FLVCR2: variants seen among roughly 807,000 people sequenced by gnomAD.
FLVCR2 encodes the protein FLVCR choline and putative heme transporter 2, also known as choline/ethanolamine transporter FLVCR2.
In FLVCR2, 38 loss-of-function variants were observed where a neutral mutation model predicts 48.9. That is an observed-to-expected ratio of 0.78 (90% confidence interval 0.60 to 1.02). FLVCR2 has a LOEUF of 1.02. Ranked by LOEUF, FLVCR2 falls within the 50% of genes least tolerant of loss-of-function variation. FLVCR2 has a pLI of 0.00. For synonymous variants in FLVCR2, 255 were observed against 257.0 expected (o/e 0.99, Z 0.07); for missense variants, 664 against 663.3 (o/e 1.00, Z -0.01).
intron 1 of FLVCR2, chr14:75,605,601 G>A: frequency 6.5e-7 from 1 of 1,536,140 alleles, no homozygotes; most frequent in Non-Finnish European, 8.7e-7. Flanking sequence ...CACCATCTGT[G>A]TTTGTAGAAG....
chr14:75,640,898 C>G, intron 6 of FLVCR2, 57 bp from the exon 7 acceptor site: 1 of 1,255,650 alleles, frequency 8.0e-7, no homozygotes, highest in East Asian at 2.3e-5. Context: ...GGTGGGCTCC[C>G]CATCCTTCTT....
chr14:75,580,137 G>A (rs2140061157), intron 1 of FLVCR2, among the ~76,000 whole-genome samples: 1 of 152,354 alleles, frequency 6.6e-6, no homozygotes, highest in Non-Finnish European at 1.5e-5. Flanking sequence ...GCTGAAGCCA[G>A]GACAGTGGGA....
chr14:75,602,861 A>T (rs1321325995), intron 1 of FLVCR2, among the ~76,000 whole-genome samples: 1 of 152,230 alleles, frequency 6.6e-6, no homozygotes, highest in Non-Finnish European at 1.5e-5. Context: ...CAAGCAAACG[A>T]ACAAAAGATA....
At chr14:75,614,734 G>A (rs1369966987) in intron 1 of FLVCR2, among the ~76,000 whole-genome samples, 1 of 152,180 alleles carries the variant, frequency 6.6e-6, no homozygotes, top group African/African-American at 2.4e-5. Flanking sequence ...AAGAAAAGAG[G>A]TTTAATTGAC....
chr14:75,580,359 C>CTT (rs1416503493), intron 1 of FLVCR2, among the ~76,000 whole-genome samples: 5 of 152,248 alleles, frequency 3.3e-5, no homozygotes. Context: ...AACCTGAATG[C>CTT]CGTCTCCAAA....
intron 1 of FLVCR2, among the ~76,000 whole-genome samples, chr14:75,600,538 C>G (rs1447133415): frequency 6.6e-6 from 1 of 152,160 alleles, no homozygotes; most frequent in Non-Finnish European, 1.5e-5. Flanking sequence ...ATCAGAACCC[C>G]TTTCCAGTAA....
chr14:75,608,788 C>G (rs1018369005), intron 1 of FLVCR2, among the ~76,000 whole-genome samples: 2 of 152,182 alleles, frequency 1.3e-5, no homozygotes, highest in Non-Finnish European at 2.9e-5. Context: ...TCATTGTCTT[C>G]CCTGGGTATG....
At chr14:75,581,721 A>G (rs1329899226) in intron 1 of FLVCR2, among the ~76,000 whole-genome samples, 1 of 152,214 alleles carries the variant, frequency 6.6e-6, no homozygotes, top group Non-Finnish European at 1.5e-5. Flanking sequence ...GAGTAAAGTC[A>G]ATTTGCCAGT....
chr14:75,612,732 C>T, intron 1 of FLVCR2, among the ~76,000 whole-genome samples: 1 of 152,124 alleles, frequency 6.6e-6, no homozygotes, highest in East Asian at 1.9e-4. Flanking sequence ...TGTCTCTCAG[C>T]CCCAGCAGCC....
rs761378974 is a variant in FLVCR2, at chr14:75,579,231, G to A, written c.259G>A (p.Val87Met). ...VIKVSRRRWA[V>M]VLVFSCYSMC... ...CAAGGTGAGCAGGCGCCGTTGGGCCGTGGTCCTGGTGTTTAGCTGCTACTC... is the reference window on the plus strand; with the variant it reads ...CAAGGTGAGCAGGCGCCGTTGGGCCATGGTCCTGGTGTTTAGCTGCTACTC... Residue 87 changes from valine (V) to methionine (M), a missense_variant, in exon 1 of 10, where the codon GTG becomes ATG. Val to Met is a conservative substitution (Grantham distance 21). Coordinates refer to ENST00000238667, the MANE Select transcript of FLVCR2 (RefSeq NM_017791.3). 9.3e-6 allele frequency: 15 copies of A among 1,614,126 alleles called. No individual in the cohort carries two copies. The highest frequency in any genetic ancestry group is 1.7e-5 in the Admixed American group (1 of 60,012).
chr14:75,603,380 A>G (rs1889211988), intron 1 of FLVCR2, among the ~76,000 whole-genome samples: 1 of 152,190 alleles, frequency 6.6e-6, no homozygotes. Context: ...TACTTTAGAG[A>G]GACGGCTGGA....
rs1242876742 is a variant in FLVCR2, at chr14:75,598,207, C to T, written c.669+18566C>T. Among the ~76,000 whole-genome samples, 3 of 152,034 alleles carry T rather than the reference C, an allele frequency of 2.0e-5. 1 individual carries two copies. Among genetic ancestry groups the T allele is most frequent in the East Asian group, 3.9e-4 (2 of 5,180 alleles). On this transcript the variant is annotated intron_variant, in intron 1 of 9. Transcript: ENST00000238667. ...CAGTGGGAAGCAGTGGGAGCTTGGG[C>T]CACTCACCCTTCAGATTGAGGGCAG... is the stretch of plus-strand genomic sequence containing the variant.
chr14:75,590,410 G>A (rs554086586), intron 1 of FLVCR2, among the ~76,000 whole-genome samples: 1 of 152,232 alleles, frequency 6.6e-6, no homozygotes, highest in South Asian at 2.1e-4. Context: ...TCTGCTGTTA[G>A]CCCCCCAAAA....
intron 1 of FLVCR2, among the ~76,000 whole-genome samples, chr14:75,582,934 G>A (rs531073823): frequency 9.2e-5 from 14 of 152,334 alleles, no homozygotes; most frequent in Non-Finnish European, 1.8e-4. Context: ...GATCAGCAGG[G>A]AGAGCACATT....
Position 75,633,607 on chromosome 14 carries a change from T to C in FLVCR2, c.953-22T>C, listed in dbSNP as rs747667067. The stretch of plus-strand genomic sequence containing the variant: ...CAGAAGAAAGCTGACCCTAATGTTG[T>C]ATTTCTCGCTCCCTTCTTCAGGTCT... On this transcript the variant is annotated intron_variant, in intron 3 of 9. Coordinates refer to ENST00000238667, the MANE Select transcript of FLVCR2 (RefSeq NM_017791.3). 1.7e-5 allele frequency: 28 copies of C among 1,605,080 alleles called. No homozygotes were observed. In the South Asian group the frequency reaches 3.0e-4, roughly 17 times the overall value.
intron 5 of FLVCR2, among the ~76,000 whole-genome samples, chr14:75,637,997 G>A (rs1162533722): frequency 1.3e-5 from 2 of 152,066 alleles, no homozygotes. Flanking sequence ...TGAGGGGATC[G>A]ACACAGGGAA....
intron 1 of FLVCR2, chr14:75,605,895 A>G (rs777442187): frequency 2.6e-5 from 12 of 468,976 alleles, no homozygotes; most frequent in Admixed American, 1.3e-4. Flanking sequence ...TCTGCATACA[A>G]TGACTGGGTT....
intron 2 of FLVCR2, among the ~76,000 whole-genome samples, chr14:75,623,288 T>C (rs1889810039): frequency 6.6e-6 from 1 of 152,128 alleles, no homozygotes; most frequent in Non-Finnish European, 1.5e-5. Flanking sequence ...GGCCGGCCAC[T>C]ACTGTTAATA....
At chr14:75,631,686 G>A in intron 3 of FLVCR2, 3 of 446,896 alleles carry the variant, frequency 6.7e-6, no homozygotes, top group Non-Finnish European at 1.3e-5. Context: ...GAGGCTTAGA[G>A]AGGAGCGGGA....
Sources: gnomAD v4.1 joint callset for allele counts (sites outside exome capture counted in the v4.1 genomes callset) on GRCh38, gnomAD v4.1.1 for gene constraint, MANE v1.5 for transcripts, NCBI Gene and HGNC (gene_info 2026-07-23, HGNC 2026-07-21) for gene names.